The following PUDP variants were observed in gnomAD, a reference collection of about 807,000 sequenced individuals.
PUDP encodes pseudouridine 5'-phosphatase, also known as pseudouridine-5'-phosphatase.
In PUDP, 8 loss-of-function variants were observed where a neutral mutation model predicts 9.4. The ratio of observed to expected loss-of-function variants is 0.85; its 90% CI spans 0.50 to 1.53. The LOEUF is 1.53. PUDP is among the 40% of genes most tolerant of loss of function. PUDP has a pLI of 0.00. For synonymous variants in PUDP, 99 were observed against 80.7 expected (o/e 1.23, Z -1.22); for missense variants, 188 against 189.7 (o/e 0.99, Z 0.05).
intron 3 of PUDP, among the ~76,000 whole-genome samples, chrX:6,875,505 T>C (rs1444510302): frequency 9.0e-6 from 1 of 111,511 alleles, no homozygotes; most frequent in Non-Finnish European, 1.9e-5. Flanking sequence ...ATGAAGAACA[T>C]GATTAGGTCT....
chrX:7,045,093 G>T (rs1447577568), downstream of PUDP, among the ~76,000 whole-genome samples: 1 of 112,271 alleles, frequency 8.9e-6, no homozygotes, highest in East Asian at 2.8e-4. Context: ...TGGATCATGG[G>T]GGTGGTTTCC....
chrX:7,035,862 CTGTT>C (rs1037718354), intron 1 of PUDP, among the ~76,000 whole-genome samples: 1 of 111,711 alleles, frequency 9.0e-6, no homozygotes, highest in African/African-American at 3.3e-5. Flanking sequence ...CTAATAGAAG[CTGTT>C]TGGGTCATGG....
rs781345961 is a variant in PUDP, at chrX:7,116,347, A to G, written c.62-10509T>C. Among the ~76,000 whole-genome samples the G allele has an allele frequency of 3.6e-5, 4 of 111,627 alleles. No homozygotes were observed. The South Asian group carries it at 1.1e-3, about 32-fold the overall frequency. On this transcript the variant is annotated intron_variant, in intron 1 of 3. Coordinates refer to ENST00000381077, the MANE Select transcript of PUDP (RefSeq NM_012080.5). Reference sequence around the variant, plus strand: ...GAGACAATCAAGTCCCTTAAAGGAGATAAGTCATTGAGCTGGCCAAGGACC... The same window carrying G: ...GAGACAATCAAGTCCCTTAAAGGAGGTAAGTCATTGAGCTGGCCAAGGACC...
intron 3 of PUDP, among the ~76,000 whole-genome samples, chrX:6,737,496 C>G (rs1171633039): frequency 9.1e-6 from 1 of 109,322 alleles, no homozygotes; most frequent in Non-Finnish European, 1.9e-5. Flanking sequence ...CTGGTAATAA[C>G]TCTGGGAGAG....
intron 2 of PUDP, among the ~76,000 whole-genome samples, chrX:7,082,315 C>G (rs1346873586): frequency 8.9e-6 from 1 of 112,335 alleles, no homozygotes; most frequent in Non-Finnish European, 1.9e-5. Flanking sequence ...CAGGATTAAA[C>G]AAAGGAAAGA....
chrX:7,021,269 CTG>C (rs1379527520), intron 1 of PUDP, among the ~76,000 whole-genome samples: 1 of 112,115 alleles, frequency 8.9e-6, no homozygotes, highest in African/African-American at 3.2e-5. Context: ...TTGGAACAAA[CTG>C]ATAGGGAAGA....
At position 7,116,821 on chromosome X, in the gene PUDP, C is replaced by T. The variant is rs765237720; in HGVS notation, c.62-10983G>A. On this transcript the variant is annotated intron_variant, in intron 1 of 3. Transcript: ENST00000381077. ...ATACTGATCATGGGGGCAGATCCTT[C>T]GCTTGGGCCATCCTCCACTTGGTGA... is the stretch of plus-strand genomic sequence containing the variant. 3.7e-5 allele frequency: 35 copies of T among 939,090 alleles called. No homozygotes were observed. In the Admixed American group the frequency reaches 8.6e-4, roughly 23 times the overall value. The allele number at this position is 939,090 out of a possible 1,213,427, so 77.4% of individuals were successfully genotyped here.
intron 1 of PUDP, among the ~76,000 whole-genome samples, chrX:7,042,871 G>A (rs769921185): frequency 9.0e-6 from 1 of 111,663 alleles, no homozygotes; most frequent in East Asian, 2.8e-4. Context: ...GCTAGCCTGT[G>A]TAATAATTGG....
In PUDP at chrX:6,706,963, G is replaced by A. The variant is rs766259029; in HGVS notation, n.129-497C>T. Among the ~76,000 whole-genome samples, 86 of 111,391 alleles carry A rather than the reference G, an allele frequency of 7.7e-4. 1 individual carries two copies. Among genetic ancestry groups the A allele is most frequent in the Non-Finnish European group, 1.2e-3 (63 of 53,133 alleles). Reference sequence around the variant, plus strand: ...ATCATTCTTTGAATGGTATAAAAGCGTTCAAGTCTAGGTGCTTCTTGGGGG... The same window carrying A: ...ATCATTCTTTGAATGGTATAAAAGCATTCAAGTCTAGGTGCTTCTTGGGGG... On this transcript the variant is annotated intron_variant and non_coding_transcript_variant, in intron 1 of 2. Transcript: ENST00000438499.
rs751049161 is a variant in PUDP, at chrX:6,962,547, G to A, written c.*247+14586C>T. Among the ~76,000 whole-genome samples the A allele has an allele frequency of 7.1e-5, 8 of 111,890 alleles. No homozygotes were observed. In the East Asian group the frequency reaches 1.7e-3, roughly 23 times the overall value. Reference sequence around the variant, plus strand: ...GGTCTTATTTTGTTAAAGGGGTCCCGGAGCATATGTCTAAGTAATTACAGT... The same window carrying A: ...GGTCTTATTTTGTTAAAGGGGTCCCAGAGCATATGTCTAAGTAATTACAGT... On this transcript the variant is annotated intron_variant and NMD_transcript_variant, in intron 3 of 3. Transcript: ENST00000655425.
chrX:7,000,407 A>C (rs1227822544), intron 1 of PUDP, among the ~76,000 whole-genome samples: 1 of 111,259 alleles, frequency 9.0e-6, no homozygotes. Flanking sequence ...TTAATATGTT[A>C]ATTCTCACAA....
chrX:6,998,466 C>A (rs1483096115), intron 1 of PUDP, among the ~76,000 whole-genome samples: 2 of 109,809 alleles, frequency 1.8e-5, no homozygotes, highest in African/African-American at 6.6e-5. Context: ...AGGGGCTACA[C>A]AAGAAAAATA....
chrX:6,753,743 CAT>C (rs1371368960), intron 3 of PUDP, among the ~76,000 whole-genome samples: 4 of 112,008 alleles, frequency 3.6e-5, no homozygotes, highest in South Asian at 3.7e-4. Context: ...AGCATTTTTT[CAT>C]ATGTTTGTCA....
chrX:7,083,903 C>CA (rs1172053109), intron 2 of PUDP, among the ~76,000 whole-genome samples: 78 of 91,554 alleles, frequency 8.5e-4, no homozygotes, highest in East Asian at 3.0e-3. Flanking sequence ...ACAACAACAA[C>CA]AAAAAAAAAA....
chrX:6,853,455 T>G (rs72609561), intron 3 of PUDP, among the ~76,000 whole-genome samples: 3 of 94,548 alleles, frequency 3.2e-5, no homozygotes, highest in African/African-American at 7.4e-5. Flanking sequence ...TTGTGTGTGT[T>G]TTTTTTTTTA....
chrX:7,124,897 G>T (rs927350884), intron 1 of PUDP, among the ~76,000 whole-genome samples: 5 of 109,638 alleles, frequency 4.6e-5, no homozygotes, highest in Non-Finnish European at 3.8e-5. Context: ...GCAGTGAGCG[G>T]AGATGGCGCC....
intron 1 of PUDP, among the ~76,000 whole-genome samples, chrX:7,125,418 C>T (rs1932459899): frequency 9.0e-6 from 1 of 111,688 alleles, no homozygotes; most frequent in Admixed American, 9.5e-5. Context: ...TTTCCAGTGT[C>T]TGAGGCATTA....
intron 3 of PUDP, among the ~76,000 whole-genome samples, chrX:6,864,928 A>C (rs1301510334): frequency 2.7e-5 from 3 of 111,990 alleles, no homozygotes; most frequent in Non-Finnish European, 5.6e-5. Flanking sequence ...TTTGTCATGT[A>C]AAGTAACATA....
At chrX:6,740,383 T>C (rs894344711) in intron 3 of PUDP, among the ~76,000 whole-genome samples, 1 of 111,733 alleles carries the variant, frequency 8.9e-6, no homozygotes, top group Non-Finnish European at 1.9e-5. Flanking sequence ...GACCTTTAAC[T>C]AGGGAGACAA....
Sources: allele counts gnomAD v4.1 joint callset (sites outside exome capture counted in the v4.1 genomes callset), GRCh38; gene constraint gnomAD v4.1.1; transcripts MANE v1.5; gene names NCBI Gene and HGNC (gene_info 2026-07-23, HGNC 2026-07-21).